Variants in SPINK6 observed in about 807,000 individuals in gnomAD.
The protein encoded by SPINK6 is serine peptidase inhibitor Kazal type 6.
SPINK6 carries 13 observed loss-of-function variants against 11.7 expected under a neutral mutation model. The observed-to-expected ratio is 1.11, with a 90% CI of 0.72 to 1.76. The LOEUF (loss-of-function observed/expected upper bound fraction) is 1.76. Among genes scored for constraint, SPINK6 ranks in the 40% most tolerant of loss-of-function variants. SPINK6 has a pLI of 0.00. For synonymous variants in SPINK6, 21 were observed against 31.9 expected (o/e 0.66, Z 1.15); for missense variants, 98 against 93.7 (o/e 1.05, Z -0.19).
Position 148,210,007 on chromosome 5 carries a change from C to CATACACACGTACGTAGGT in SPINK6, c.82-3901_82-3900insACACACGTACGTAGGTAT, listed in dbSNP as rs1554112271. Among the ~76,000 whole-genome samples the CATACACACGTACGTAGGT allele has an allele frequency of 1.6e-4, 17 of 105,734 alleles. 3 individuals are homozygous for CATACACACGTACGTAGGT. The South Asian group carries it at 2.7e-3, about 17-fold the overall frequency. 69.4% of individuals were successfully genotyped at this position (105,734 alleles called of 152,430 possible). On this transcript the variant is annotated intron_variant, in intron 2 of 3. Transcript: ENST00000325630. Reference sequence around the variant, plus strand: ...ATGTATACATATACACGTATGTATACATGTATGTACGCATGTACGCATGCA... The same window carrying CATACACACGTACGTAGGT: ...ATGTATACATATACACGTATGTATACATACACACGTACGTAGGTATGTATGTACGCATGTACGCATGCA...
intron 2 of SPINK6, among the ~76,000 whole-genome samples, chr5:148,207,558 C>T (rs1295523166): frequency 5.3e-5 from 8 of 152,072 alleles, no homozygotes; most frequent in African/African-American, 1.2e-4. Context: ...GGGCCGGGCA[C>T]GGTGCCTCAT....
chr5:148,210,360 A>G lies in SPINK6; in HGVS notation c.82-3550A>G, dbSNP rs1476412826. ...TATATATGTGTTTCTGCATACATAT[A>G]TATGTATGTGTTTCTGCATACATAT... On this transcript the variant is annotated intron_variant, in intron 2 of 3. Coordinates refer to ENST00000325630, the MANE Select transcript of SPINK6 (RefSeq NM_205841.4). 5.5e-4 allele frequency among the ~76,000 whole-genome samples: 80 copies of G among 144,786 alleles called. 1 individual carries two copies. The highest frequency in any genetic ancestry group is 2.0e-3 in the African/African-American group (78 of 39,530). The allele number at this position is 144,786 out of a possible 152,430, so 95.0% of individuals were successfully genotyped here.
chr5:148,204,563 A>G (rs1755473464), intron 1 of SPINK6, among the ~76,000 whole-genome samples: 2 of 151,104 alleles, frequency 1.3e-5, no homozygotes, highest in African/African-American at 4.9e-5. Flanking sequence ...TAGCCCTGGC[A>G]CTTTCATTTT....
chr5:148,205,703 G>A (rs1472200291), intron 1 of SPINK6, among the ~76,000 whole-genome samples: 1 of 152,068 alleles, frequency 6.6e-6, no homozygotes, highest in Non-Finnish European at 1.5e-5. Flanking sequence ...TGAGACCAGC[G>A]ATGATAAGGT....
chr5:148,203,298 T>G (rs1755458103), intron 1 of SPINK6, 144 bp downstream of exon 1: 3 of 630,248 alleles, frequency 4.8e-6, no homozygotes, highest in Non-Finnish European at 8.2e-6. Flanking sequence ...ATGATTGTGA[T>G]GACGACAATG....
At chr5:148,214,880 A>G in intron 3 of SPINK6, 25 bp from the exon 4 acceptor site, 3 of 1,600,406 alleles carry the variant, frequency 1.9e-6, no homozygotes, top group Non-Finnish European at 2.6e-6. Context: ...TGCACTGAGT[A>G]TATATTTGTC....
intron 1 of SPINK6, among the ~76,000 whole-genome samples, chr5:148,204,589 C>T (rs114595017): frequency 0.012 from 1,839 of 151,164 alleles, 46 homozygotes; most frequent in African/African-American, 0.043. Flanking sequence ...TTTGTGAACT[C>T]TCTGATGTTT....
intron 3 of SPINK6, 60 bp from the exon 4 acceptor site, chr5:148,214,845 C>T: frequency 7.5e-7 from 1 of 1,336,496 alleles, no homozygotes; most frequent in South Asian, 1.2e-5. Flanking sequence ...ATGTTTAGAA[C>T]TTCTATGGTG....
At chr5:148,213,176 C>T (rs1755635529) in intron 2 of SPINK6, among the ~76,000 whole-genome samples, 1 of 151,628 alleles carries the variant, frequency 6.6e-6, no homozygotes, top group African/African-American at 2.4e-5. Flanking sequence ...GTCCAGTGCC[C>T]CTTGTAAGGT....
At chr5:148,212,755 T>A (rs987255000) in intron 2 of SPINK6, among the ~76,000 whole-genome samples, 2 of 131,056 alleles carry the variant, frequency 1.5e-5, no homozygotes, top group Non-Finnish European at 3.1e-5. Flanking sequence ...ACATTTTATA[T>A]AAAGTATATA....
At chr5:148,209,984 GTA>G (rs1258431714) in intron 2 of SPINK6, among the ~76,000 whole-genome samples, 6 of 145,370 alleles carry the variant, frequency 4.1e-5, no homozygotes, top group African/African-American at 1.6e-4. Flanking sequence ...ACGTATGTAT[GTA>G]TACATATACA....
At chr5:148,208,464 C>A (rs1161430809) in intron 2 of SPINK6, among the ~76,000 whole-genome samples, 1 of 152,214 alleles carries the variant, frequency 6.6e-6, no homozygotes, top group Admixed American at 6.5e-5. Flanking sequence ...TCCTCCAACA[C>A]TGAAGTAATT....
chr5:148,210,202 ATGTATTT>A (rs1755569816), intron 2 of SPINK6, among the ~76,000 whole-genome samples: 3 of 143,664 alleles, frequency 2.1e-5, no homozygotes, highest in Non-Finnish European at 3.1e-5. Flanking sequence ...CTGCATGCAT[ATGTATTT>A]CTGCATGCAT....
At chr5:148,210,599 G>A (rs2113314228) in intron 2 of SPINK6, among the ~76,000 whole-genome samples, 1 of 151,770 alleles carries the variant, frequency 6.6e-6, no homozygotes, top group African/African-American at 2.4e-5. Flanking sequence ...ATGTCATTAG[G>A]AAGAGAAAAC....
chr5:148,208,003 C>T (rs1755522436), intron 2 of SPINK6, among the ~76,000 whole-genome samples: 1 of 152,082 alleles, frequency 6.6e-6, no homozygotes, highest in Non-Finnish European at 1.5e-5. Context: ...GACATTTATA[C>T]ATAAGAAAAC....
intron 2 of SPINK6, among the ~76,000 whole-genome samples, chr5:148,208,407 C>T (rs1755527470): frequency 6.6e-6 from 1 of 152,180 alleles, no homozygotes; most frequent in South Asian, 2.1e-4. Context: ...TCATTAGGAG[C>T]ATGCTTGCTC....
intron 2 of SPINK6, among the ~76,000 whole-genome samples, chr5:148,210,752 G>A (rs943221443): frequency 8.6e-5 from 13 of 151,994 alleles, no homozygotes; most frequent in South Asian, 2.1e-4. Context: ...AGGTTGGAGT[G>A]ATCAAGAGTA....
Position 148,209,962 on chromosome 5 carries a change from A to G in SPINK6, c.81+3904A>G, listed in dbSNP as rs568841747. Among the ~76,000 whole-genome samples the G allele has an allele frequency of 8.8e-3, 1,332 of 150,610 alleles. 21 individuals are homozygous for G. The highest frequency in any genetic ancestry group is 0.032 in the African/African-American group (1,273 of 40,260). ...AGTAAAAGGTTTCATATATATGTAT[A>G]CATACATACGTACGTATGTATGTAT... is the stretch of plus-strand genomic sequence containing the variant. On this transcript the variant is annotated intron_variant, in intron 2 of 3. Coordinates refer to ENST00000325630, the MANE Select transcript of SPINK6 (RefSeq NM_205841.4).
intron 2 of SPINK6, among the ~76,000 whole-genome samples, chr5:148,208,947 G>T (rs748758881): frequency 4.6e-5 from 7 of 152,162 alleles, no homozygotes; most frequent in South Asian, 2.1e-4. Flanking sequence ...TAGATGAATA[G>T]TTCGAAATGA....
Sources: allele counts gnomAD v4.1 joint callset (sites outside exome capture counted in the v4.1 genomes callset), GRCh38; gene constraint gnomAD v4.1.1; transcripts MANE v1.5; gene names NCBI Gene and HGNC (gene_info 2026-07-23, HGNC 2026-07-21).